XRCC6: variants seen among roughly 807,000 people sequenced by gnomAD.
XRCC6 encodes X-ray repair cross complementing 6.
Under a neutral mutation model 65.7 loss-of-function variants are expected in XRCC6, and 5 were observed. That is an observed-to-expected ratio of 0.08 (90% confidence interval 0.04 to 0.16). The LOEUF is 0.16. XRCC6 is among the 10% of genes least tolerant of loss of function. The pLI, the probability that XRCC6 is intolerant of heterozygous loss-of-function variation, is 1.00. For missense variants in XRCC6, 447 were observed against 738.1 expected, an observed-to-expected ratio of 0.61 and a Z score of 4.57; for synonymous variants, 270 against 270.6, an observed-to-expected ratio of 1.00 and a Z score of 0.02.
intron 6 of XRCC6, among the ~76,000 whole-genome samples, chr22:41,646,303 G>GAA: frequency 7.0e-6 from 1 of 142,218 alleles, no homozygotes. Flanking sequence ...ACTCTGTCTC[G>GAA]AAAAAAAAAA....
rs1305822361 is a variant in XRCC6 at position 41,628,109 on chromosome 22, T to TC, written c.83-5dup. On this transcript the variant is annotated splice_polypyrimidine_tract_variant and intron_variant, in intron 2 of 12. Transcript: ENST00000360079. ...GGACAAACATTTTCTTCCATTTTTT[T>TC]CCCCATAGGAGACTATAAATATTCA... 7.0e-6 allele frequency: 11 copies of TC among 1,575,004 alleles called. No individual in the cohort carries two copies. The highest frequency in any genetic ancestry group is 9.5e-6 in the Non-Finnish European group (11 of 1,157,340).
At chr22:41,638,563 A>G (rs2067836625) in intron 6 of XRCC6, among the ~76,000 whole-genome samples, 1 of 152,104 alleles carries the variant, frequency 6.6e-6, no homozygotes, top group South Asian at 2.1e-4. Flanking sequence ...AGGCGGGTGG[A>G]TCACAAGTTC....
At chr22:41,658,498 AC>A in intron 11 of XRCC6, 146 bp downstream of exon 11, 1 of 742,764 alleles carries the variant, frequency 1.3e-6, no homozygotes, top group Non-Finnish European at 2.2e-6. Context: ...GCTTTTCCAG[AC>A]CAGCTTAAAC....
intron 8 of XRCC6, among the ~76,000 whole-genome samples, chr22:41,651,327 T>G (rs1280707643): frequency 6.8e-6 from 1 of 146,716 alleles, no homozygotes; most frequent in African/African-American, 2.5e-5. Flanking sequence ...CAAGCTCAAA[T>G]TTTGGAAATG....
chr22:41,653,385 C>T (rs1342074102), intron 8 of XRCC6, 144 bp from the exon 9 acceptor site: 1 of 754,770 alleles, frequency 1.3e-6, no homozygotes, highest in East Asian at 2.9e-5. Flanking sequence ...TCCTGGGTGA[C>T]AGAGCGAGAC....
chr22:41,636,559 G>A lies in XRCC6; in HGVS notation c.378G>A (p.Gln126=), dbSNP rs750217773. 5 of 1,613,956 alleles carry A rather than the reference G, an allele frequency of 3.1e-6. No homozygotes were observed. Among genetic ancestry groups the A allele is most frequent in the Non-Finnish European group, 4.2e-6 (5 of 1,179,874 alleles). Residue 126 remains glutamine, a synonymous_variant, in exon 5 of 13, where the codon CAG becomes CAA. Coordinates refer to ENST00000360079, the MANE Select transcript of XRCC6 (RefSeq NM_001469.5). ...AGCTTGACCAGTTTAAGGGGCAGCA[G>A]GGACAAAAACGTTTCCAAGACATGA... The part of the protein sequence containing the change: ...ILELDQFKGQ[Q]GQKRFQDMMG...
At position 41,628,430 on chromosome 22, in the gene XRCC6, A is replaced by C. The variant is rs1378114455; in HGVS notation, c.195+200A>C. 8.5e-5 allele frequency: 38 copies of C among 444,814 alleles called. 1 individual carries two copies. In the South Asian group the frequency reaches 9.6e-4, roughly 11 times the overall value. 27.6% of individuals were successfully genotyped at this position (444,814 alleles called of 1,614,324 possible). A position where few individuals can be genotyped will look rare whatever the true frequency, so the allele number is the denominator to read the frequency against. ...CAAATCATCCAGGTGTGGTGGTGCAAACCTGTAGTCCTAGCTACTCAGGAG... is the reference window on the plus strand; with the variant it reads ...CAAATCATCCAGGTGTGGTGGTGCACACCTGTAGTCCTAGCTACTCAGGAG... On this transcript the variant is annotated intron_variant, in intron 3 of 12. Transcript: ENST00000360079.
intron 3 of XRCC6, among the ~76,000 whole-genome samples, chr22:41,633,917 TTC>T (rs1368087225): frequency 6.6e-6 from 1 of 152,188 alleles, no homozygotes; most frequent in African/African-American, 2.4e-5. Flanking sequence ...TTTTCTAAAA[TTC>T]TGTTTTAGTT....
intron 6 of XRCC6, among the ~76,000 whole-genome samples, chr22:41,638,323 A>G (rs1005370188): frequency 2.6e-5 from 4 of 152,148 alleles, no homozygotes; most frequent in African/African-American, 9.7e-5. Context: ...CATAGAGGGT[A>G]CTTCACACAC....
At chr22:41,657,923 A>G (rs1001385935) in intron 10 of XRCC6, among the ~76,000 whole-genome samples, 1 of 152,084 alleles carries the variant, frequency 6.6e-6, no homozygotes, top group Non-Finnish European at 1.5e-5. Context: ...TCCTGGACTC[A>G]AGCAGTCTTC....
intron 3 of XRCC6, among the ~76,000 whole-genome samples, chr22:41,633,397 A>AT (rs200290321): frequency 0.031 from 4,364 of 138,822 alleles, 101 homozygotes; most frequent in African/African-American, 0.074. Flanking sequence ...CCGTGGACCT[A>AT]TTTTTTTTTT....
At chr22:41,634,233 T>C (rs529345908) in intron 3 of XRCC6, among the ~76,000 whole-genome samples, 1 of 151,964 alleles carries the variant, frequency 6.6e-6, no homozygotes, top group South Asian at 2.1e-4. Context: ...TCATCTAGGC[T>C]GGAGTGCAGT....
At position 41,646,125 on chromosome 22, in the gene XRCC6, A is replaced by G. The variant is rs2067929586; in HGVS notation, c.774-771A>G. 2.0e-5 allele frequency among the ~76,000 whole-genome samples: 3 copies of G among 151,984 alleles called. No homozygotes were observed. The South Asian group carries it at 6.2e-4, about 32-fold the overall frequency. On this transcript the variant is annotated intron_variant, in intron 6 of 12. Coordinates refer to ENST00000360079, the MANE Select transcript of XRCC6 (RefSeq NM_001469.5). The stretch of plus-strand genomic sequence containing the variant: ...AAGACCAGCCTGGCCAACATGGTGA[A>G]ACACCGTCTCTACTAAAATAAAAAG...
At chr22:41,624,183 G>C (rs1449028900) in intron 2 of XRCC6, among the ~76,000 whole-genome samples, 1 of 151,962 alleles carries the variant, frequency 6.6e-6, no homozygotes, top group Non-Finnish European at 1.5e-5. Context: ...TCAGGAGTTC[G>C]AGACCACCCT....
At chr22:41,638,310 A>C (rs2067832768) in intron 6 of XRCC6, among the ~76,000 whole-genome samples, 1 of 152,172 alleles carries the variant, frequency 6.6e-6, no homozygotes, top group African/African-American at 2.4e-5. Context: ...GTCATTGTGC[A>C]AACATAGAGG....
At chr22:41,621,862 C>G in intron 1 of XRCC6, 128 bp from the exon 2 acceptor site, 10 of 831,606 alleles carry the variant, frequency 1.2e-5, no homozygotes, top group Non-Finnish European at 1.9e-5. Flanking sequence ...GCTTTCGAGG[C>G]AGCAGGATTT....
At chr22:41,653,724 C>T (rs555983086) in intron 9 of XRCC6, 34 bp downstream of exon 9, 1 of 1,603,890 alleles carries the variant, frequency 6.2e-7, no homozygotes. Context: ...GGCTTCTGAA[C>T]CTTGCCCATA....
intron 1 of XRCC6, 38 bp from the exon 2 acceptor site, chr22:41,621,952 A>C (rs2147057491): frequency 6.3e-7 from 1 of 1,599,482 alleles, no homozygotes; most frequent in East Asian, 2.2e-5. Flanking sequence ...TTTTCGATTT[A>C]AATTTGCCTG....
intron 6 of XRCC6, among the ~76,000 whole-genome samples, chr22:41,639,018 A>C (rs2067844135): frequency 6.6e-6 from 1 of 152,116 alleles, no homozygotes; most frequent in South Asian, 2.1e-4. Context: ...GACAGCTATG[A>C]TGTCAGTAGG....
Sources: gnomAD v4.1 joint callset for allele counts (sites outside exome capture counted in the v4.1 genomes callset) on GRCh38, gnomAD v4.1.1 for gene constraint, MANE v1.5 for transcripts, NCBI Gene and HGNC (gene_info 2026-07-23, HGNC 2026-07-21) for gene names.